The following CCM2 variants were observed in gnomAD, a reference collection of about 807,000 sequenced individuals.
The protein encoded by CCM2 is cerebral cavernous malformations 2 protein.
In CCM2, 25 loss-of-function variants were observed where a neutral mutation model predicts 44.9. The observed-to-expected ratio is 0.56, with a 90% CI of 0.41 to 0.78. The LOEUF (loss-of-function observed/expected upper bound fraction) is 0.78, where lower values mean the gene tolerates loss of function less well. Among genes scored for constraint, CCM2 ranks in the 30% least tolerant of loss-of-function variants. The pLI, the probability that CCM2 is intolerant of heterozygous loss-of-function variation, is 0.00. For synonymous variants in CCM2, 219 were observed against 241.1 expected (o/e 0.91, Z 0.85); for missense variants, 481 against 580.6 (o/e 0.83, Z 1.76).
chr7:45,038,703 C>A (rs954382649), intron 2 of CCM2, among the ~76,000 whole-genome samples: 1 of 152,170 alleles, frequency 6.6e-6, no homozygotes, highest in Non-Finnish European at 1.5e-5. Context: ...GCTGCTCCAC[C>A]AGAAGAGGGT....
intron 2 of CCM2, among the ~76,000 whole-genome samples, chr7:45,056,636 AATGTC>A (rs149224261): frequency 0.085 from 12,944 of 152,196 alleles, 1,307 homozygotes; most frequent in African/African-American, 0.24. Flanking sequence ...TCTTTAGAGA[AATGTC>A]AAGTCATTTG....
At position 45,064,601 on chromosome 7, in the gene CCM2, T is replaced by G. The variant is rs1240987762; in HGVS notation, c.427T>G (p.Ser143Ala). 1 of 1,613,958 alleles carries G rather than the reference T, an allele frequency of 6.2e-7. No homozygotes were observed. Among genetic ancestry groups the G allele is most frequent in the South Asian group, 1.1e-5 (1 of 91,070 alleles). Residue 143 changes from serine to alanine, a missense_variant, in exon 4 of 10, where the codon TCC becomes GCC. Ser to Ala is a moderately conservative substitution (Grantham distance 99). Coordinates refer to ENST00000258781, the MANE Select transcript of CCM2 (RefSeq NM_031443.4). ...RVPIHDIAAVSYVRDDAAHLV... is the reference protein window; with the variant it reads ...RVPIHDIAAVAYVRDDAAHLV... ...GCCCATCCATGACATCGCCGCCGTC[T>G]CCTATGTTCGGGATGACGCTGCACA...
At position 45,000,214 on chromosome 7, in the gene CCM2, C is replaced by T; in HGVS notation, c.-120C>T. 6 of 544,238 alleles carry T rather than the reference C, an allele frequency of 1.1e-5. No homozygotes were observed. The highest frequency in any genetic ancestry group is 1.4e-5 in the Non-Finnish European group (6 of 430,512). The allele number at this position is 544,238 out of a possible 1,614,324, so 33.7% of individuals were successfully genotyped here. On this transcript the variant is annotated 5_prime_UTR_variant, in exon 1 of 10. Coordinates refer to ENST00000258781, the MANE Select transcript of CCM2 (RefSeq NM_031443.4). ...CGCGGCCGGGGCGGAGACTTCGGGC[C>T]CGGCTGGCGGGCGGCGCCGGGAGCG...
chr7:45,040,724 C>T (rs928444176), intron 2 of CCM2, among the ~76,000 whole-genome samples: 7 of 151,784 alleles, frequency 4.6e-5, no homozygotes, highest in Admixed American at 3.9e-4. Flanking sequence ...TGGTGGCTCA[C>T]GCCTGTAATC....
chr7:45,010,482 GATTT>G (rs1022813297), intron 1 of CCM2, among the ~76,000 whole-genome samples: 5 of 152,070 alleles, frequency 3.3e-5, no homozygotes, highest in African/African-American at 1.2e-4. Flanking sequence ...ATGTTTTTGA[GATTT>G]ATCCATATAT....
intron 1 of CCM2, among the ~76,000 whole-genome samples, chr7:45,026,244 C>T (rs1426379199): frequency 6.6e-6 from 1 of 152,142 alleles, no homozygotes; most frequent in African/African-American, 2.4e-5. Context: ...AATTGTGACT[C>T]TACTCTGGTT....
At chr7:45,003,193 A>G (rs1795715727) in intron 1 of CCM2, among the ~76,000 whole-genome samples, 1 of 152,036 alleles carries the variant, frequency 6.6e-6, no homozygotes, top group African/African-American at 2.4e-5. Context: ...CTCTTGCCTC[A>G]GCCTCCCGAG....
intron 1 of CCM2, among the ~76,000 whole-genome samples, chr7:45,007,143 A>G (rs1386142730): frequency 6.6e-6 from 1 of 152,194 alleles, no homozygotes; most frequent in African/African-American, 2.4e-5. Context: ...TCAGAGTGAC[A>G]GGACAACCCT....
At chr7:45,061,218 C>T (rs1447881155) in intron 2 of CCM2, among the ~76,000 whole-genome samples, 1 of 152,104 alleles carries the variant, frequency 6.6e-6, no homozygotes, top group African/African-American at 2.4e-5. Flanking sequence ...TTCTGTAGTC[C>T]TGGGATTAGG....
intron 1 of CCM2, among the ~76,000 whole-genome samples, chr7:45,035,022 A>G (rs947150231): frequency 9.9e-5 from 15 of 152,112 alleles, no homozygotes; most frequent in Admixed American, 9.8e-4. Flanking sequence ...GTTTTTGTAG[A>G]GATGGGGTCC....
intron 2 of CCM2, among the ~76,000 whole-genome samples, chr7:45,059,462 A>T (rs986617379): frequency 6.6e-6 from 1 of 151,042 alleles, no homozygotes; most frequent in Admixed American, 6.6e-5. Context: ...CAAAAAATAC[A>T]GGCTGGGTGC....
chr7:45,066,855 C>G (rs1311292768), intron 4 of CCM2, among the ~76,000 whole-genome samples: 6 of 151,802 alleles, frequency 4.0e-5, no homozygotes, highest in Admixed American at 3.9e-4. Context: ...AGATTTCTTA[C>G]CAAACTCATA....
intron 1 of CCM2, among the ~76,000 whole-genome samples, chr7:45,014,158 G>A (rs1163120152): frequency 6.6e-6 from 1 of 151,664 alleles, no homozygotes; most frequent in African/African-American, 2.4e-5. Context: ...TACTTTTTTT[G>A]AGATGGTGTC....
chr7:45,000,302 C>CCGGG lies in CCM2; in HGVS notation c.-26_-23dup. On this transcript the variant is annotated 5_prime_UTR_variant, in exon 1 of 10. Coordinates refer to ENST00000258781, the MANE Select transcript of CCM2 (RefSeq NM_031443.4). The stretch of plus-strand genomic sequence containing the variant: ...CTGGCGGCGGGGCTCCCGGGGCGGG[C>CCGGG]CGGGCGGGCCGCGGGAGCCGCACGC... 1 of 1,237,412 alleles carries CCGGG rather than the reference C, an allele frequency of 8.1e-7. No homozygotes were observed. The highest frequency in any genetic ancestry group is 1.0e-6 in the Non-Finnish European group (1 of 983,502). 76.7% of individuals were successfully genotyped at this position (1,237,412 alleles called of 1,614,324 possible).
chr7:45,061,911 C>A (rs1467277816), intron 2 of CCM2, among the ~76,000 whole-genome samples: 1 of 152,188 alleles, frequency 6.6e-6, no homozygotes, highest in Admixed American at 6.5e-5. Flanking sequence ...ATGGGGACCT[C>A]CCCAGTGACT....
At chr7:45,012,010 G>A (rs1796085126) in intron 1 of CCM2, among the ~76,000 whole-genome samples, 1 of 151,504 alleles carries the variant, frequency 6.6e-6, no homozygotes, top group Admixed American at 6.6e-5. Context: ...CAGTTATTGA[G>A]AGAGAGGGTG....
chr7:45,038,745 T>C (rs912821313), intron 2 of CCM2, among the ~76,000 whole-genome samples: 1 of 152,204 alleles, frequency 6.6e-6, no homozygotes, highest in Non-Finnish European at 1.5e-5. Context: ...ACATCTCCTG[T>C]AGTTTGCAGT....
At chr7:45,027,944 G>A in intron 1 of CCM2, 2 of 845,784 alleles carry the variant, frequency 2.4e-6, no homozygotes, top group South Asian at 2.9e-5. Flanking sequence ...GGGAGGATGG[G>A]GTGGGTGGAG....
At chr7:45,040,167 G>A (rs763473845) in intron 2 of CCM2, among the ~76,000 whole-genome samples, 5 of 151,816 alleles carry the variant, frequency 3.3e-5, no homozygotes, top group African/African-American at 7.3e-5. Flanking sequence ...GGCCAATCAC[G>A]AGGTCAGGAG....
Sources: allele counts gnomAD v4.1 joint callset (sites outside exome capture counted in the v4.1 genomes callset), GRCh38; gene constraint gnomAD v4.1.1; transcripts MANE v1.5; gene names NCBI Gene and HGNC (gene_info 2026-07-23, HGNC 2026-07-21).